ALCAM: variants seen among roughly 807,000 people sequenced by gnomAD.
The protein encoded by ALCAM is CD166 antigen.
Under a neutral mutation model 70.9 loss-of-function variants are expected in ALCAM, and 30 were observed. The observed-to-expected ratio is 0.42, with a 90% CI of 0.32 to 0.57. The LOEUF (loss-of-function observed/expected upper bound fraction) is 0.57, where lower values mean the gene tolerates loss of function less well. Ranked by LOEUF, ALCAM falls within the 20% of genes least tolerant of loss-of-function variation. The pLI, the probability that ALCAM is intolerant of heterozygous loss-of-function variation, is 0.11. For missense variants in ALCAM, 591 were observed against 695.1 expected, an observed-to-expected ratio of 0.85 and a Z score of 1.68; for synonymous variants, 249 against 242.5, an observed-to-expected ratio of 1.03 and a Z score of -0.25.
chr3:105,416,150 G>A (rs924396017), intron 1 of ALCAM, among the ~76,000 whole-genome samples: 3 of 151,858 alleles, frequency 2.0e-5, no homozygotes, highest in Admixed American at 6.6e-5. Context: ...TTTCTCTTAA[G>A]GATAAGGATA....
intron 1 of ALCAM, among the ~76,000 whole-genome samples, chr3:105,384,463 G>A (rs1366542912): frequency 1.3e-5 from 2 of 151,156 alleles, no homozygotes; most frequent in African/African-American, 4.9e-5. Flanking sequence ...ATCCTTCCCA[G>A]TCCTTCAGAA....
At chr3:105,448,417 A>G (rs1937346327) in intron 1 of ALCAM, among the ~76,000 whole-genome samples, 1 of 149,692 alleles carries the variant, frequency 6.7e-6, no homozygotes. Flanking sequence ...AAAAAAAAAC[A>G]CTCCAGTAAT....
intron 1 of ALCAM, among the ~76,000 whole-genome samples, chr3:105,453,744 C>T (rs560875853): frequency 6.6e-6 from 1 of 152,242 alleles, no homozygotes; most frequent in East Asian, 1.9e-4. Flanking sequence ...TCTCTTATTT[C>T]CTTGAGCAGT....
At chr3:105,380,266 T>C (rs1935487002) in intron 1 of ALCAM, among the ~76,000 whole-genome samples, 1 of 151,868 alleles carries the variant, frequency 6.6e-6, no homozygotes, top group Non-Finnish European at 1.5e-5. Flanking sequence ...TACCTTTTAA[T>C]TTTGTTATGA....
chr3:105,575,120 A>G lies in ALCAM; in HGVS notation c.*669A>G, dbSNP rs1940934836. Reference sequence around the variant, plus strand: ...AGATGCATATAGACACACATACATAATGGTACTCCCAAACTGACAATTTTA... The same window carrying G: ...AGATGCATATAGACACACATACATAGTGGTACTCCCAAACTGACAATTTTA... On this transcript the variant is annotated 3_prime_UTR_variant, in exon 16 of 16. Coordinates refer to ENST00000306107, the MANE Select transcript of ALCAM (RefSeq NM_001627.4). 1.3e-5 allele frequency: 2 copies of G among 152,628 alleles called. No homozygotes were observed. Among genetic ancestry groups the G allele is most frequent in the South Asian group, 4.1e-4 (2 of 4,836 alleles). 9.5% of individuals were successfully genotyped at this position (152,628 alleles called of 1,614,324 possible).
chr3:105,567,249 G>A (rs561695552), intron 14 of ALCAM, among the ~76,000 whole-genome samples: 1 of 152,162 alleles, frequency 6.6e-6, no homozygotes, highest in Non-Finnish European at 1.5e-5. Context: ...CCTCCTTCCG[G>A]ACTTCTGAGC....
chr3:105,557,580 C>A (rs914780425), intron 14 of ALCAM, among the ~76,000 whole-genome samples: 1 of 152,066 alleles, frequency 6.6e-6, no homozygotes, highest in Non-Finnish European at 1.5e-5. Flanking sequence ...GGCTAAGGAA[C>A]AAAAAAGTCC....
chr3:105,490,041 A>C (rs907455379), intron 1 of ALCAM, among the ~76,000 whole-genome samples: 1 of 152,172 alleles, frequency 6.6e-6, no homozygotes, highest in Admixed American at 6.5e-5. Context: ...GTACATTTTA[A>C]GATATTTTGT....
intron 12 of ALCAM, among the ~76,000 whole-genome samples, chr3:105,551,554 T>C (rs1940407702): frequency 6.6e-6 from 1 of 151,662 alleles, no homozygotes; most frequent in Admixed American, 6.6e-5. Context: ...TATTAGATAA[T>C]AATTCAACAC....
At chr3:105,544,411 C>T (rs1178057637) in intron 8 of ALCAM, among the ~76,000 whole-genome samples, 1 of 151,468 alleles carries the variant, frequency 6.6e-6, no homozygotes, top group Non-Finnish European at 1.5e-5. Context: ...TCTATACTTC[C>T]ATTAAGTCTT....
At chr3:105,474,343 T>C (rs1938032879) in intron 1 of ALCAM, among the ~76,000 whole-genome samples, 1 of 151,750 alleles carries the variant, frequency 6.6e-6, no homozygotes, top group Admixed American at 6.6e-5. Context: ...TGTTTGTGTA[T>C]ATGGTCTGAC....
chr3:105,539,337 C>T (rs1164078725), intron 6 of ALCAM, among the ~76,000 whole-genome samples: 1 of 152,032 alleles, frequency 6.6e-6, no homozygotes, highest in Non-Finnish European at 1.5e-5. Context: ...CTATTTTCTC[C>T]ATAAATTGAC....
At chr3:105,491,008 A>G (rs1365860221) in intron 1 of ALCAM, among the ~76,000 whole-genome samples, 1 of 152,220 alleles carries the variant, frequency 6.6e-6, no homozygotes, top group Non-Finnish European at 1.5e-5. Context: ...CCACCCTTGC[A>G]GTGAACTTCT....
chr3:105,383,045 T>A (rs1362110725), intron 1 of ALCAM, among the ~76,000 whole-genome samples: 2 of 151,842 alleles, frequency 1.3e-5, no homozygotes, highest in Non-Finnish European at 2.9e-5. Context: ...AGTGGGTTGT[T>A]ATTCACGTCT....
In ALCAM at chr3:105,445,719, A is replaced by G. The variant is rs142500045; in HGVS notation, c.74-74348A>G. ...TATTTTCAACAAAGGTGCCAAGTATACACGTGAAGAAAGGACAGTCTTTCA... is the reference window on the plus strand; with the variant it reads ...TATTTTCAACAAAGGTGCCAAGTATGCACGTGAAGAAAGGACAGTCTTTCA... On this transcript the variant is annotated intron_variant, in intron 1 of 15. Transcript: ENST00000306107. Among the ~76,000 whole-genome samples, 37 of 152,332 alleles carry G rather than the reference A, an allele frequency of 2.4e-4. No individual in the cohort carries two copies. The East Asian group carries it at 7.1e-3, about 29-fold the overall frequency.
At chr3:105,523,485 A>T (rs16851258) in intron 2 of ALCAM, among the ~76,000 whole-genome samples, 26,757 of 152,130 alleles carry the variant, frequency 0.18, 2,643 homozygotes, top group East Asian at 0.39. Context: ...ATCACATTTA[A>T]TTTTCTCAAA....
At chr3:105,505,023 T>TA (rs752142339) in intron 1 of ALCAM, among the ~76,000 whole-genome samples, 5 of 152,232 alleles carry the variant, frequency 3.3e-5, no homozygotes, top group African/African-American at 4.8e-5. Flanking sequence ...CCTAGCTTAT[T>TA]AGTAGCAGAG....
chr3:105,571,791 T>C, intron 14 of ALCAM, 61 bp from the exon 15 acceptor site: 1 of 1,246,856 alleles, frequency 8.0e-7, no homozygotes, highest in Non-Finnish European at 1.1e-6. Context: ...ATCTTAAAAT[T>C]AAATATAAAA....
intron 1 of ALCAM, among the ~76,000 whole-genome samples, chr3:105,508,632 A>G (rs942485711): frequency 1.3e-5 from 2 of 152,184 alleles, no homozygotes; most frequent in Non-Finnish European, 2.9e-5. Flanking sequence ...AATCTATACA[A>G]CATGAGGTTT....
Sources: gnomAD v4.1 joint callset for allele counts (sites outside exome capture counted in the v4.1 genomes callset) on GRCh38, gnomAD v4.1.1 for gene constraint, MANE v1.5 for transcripts, NCBI Gene and HGNC (gene_info 2026-07-23, HGNC 2026-07-21) for gene names.